Variants in CDK14 observed in about 807,000 individuals in gnomAD.
CDK14 encodes cyclin-dependent kinase 14.
CDK14 carries 34 observed loss-of-function variants against 60.7 expected under a neutral mutation model. The ratio of observed to expected loss-of-function variants is 0.56; its 90% CI spans 0.43 to 0.75. CDK14 has a LOEUF of 0.75. Ranked by LOEUF, CDK14 falls within the 30% of genes least tolerant of loss-of-function variation. The pLI is 0.00. For synonymous variants in CDK14, 197 were observed against 203.7 expected (o/e 0.97, Z 0.28); for missense variants, 482 against 564.1 (o/e 0.85, Z 1.47).
intron 8 of CDK14, among the ~76,000 whole-genome samples, chr7:90,919,470 T>C (rs1039023345): frequency 2.0e-5 from 3 of 152,152 alleles, no homozygotes; most frequent in African/African-American, 7.2e-5. Flanking sequence ...AATTGAAATA[T>C]AATTTTTTAA....
At chr7:91,194,857 T>A (rs73708286) in intron 14 of CDK14, among the ~76,000 whole-genome samples, 2,338 of 152,292 alleles carry the variant, frequency 0.015, 56 homozygotes, top group African/African-American at 0.053. Flanking sequence ...CTTCTTACAG[T>A]AAAACTTCAG....
At chr7:90,679,417 G>T (rs1284384228) in intron 2 of CDK14, among the ~76,000 whole-genome samples, 1 of 152,148 alleles carries the variant, frequency 6.6e-6, no homozygotes, top group Non-Finnish European at 1.5e-5. Context: ...TTCTATGTGT[G>T]TTTGATAATA....
intron 2 of CDK14, among the ~76,000 whole-genome samples, chr7:90,675,459 T>C (rs892420173): frequency 7.2e-5 from 11 of 152,164 alleles, no homozygotes; most frequent in Non-Finnish European, 1.3e-4. Context: ...TCTTGAAATA[T>C]AAATTTGGTA....
chr7:90,964,401 T>G (rs1009767325), intron 9 of CDK14, among the ~76,000 whole-genome samples: 2 of 152,232 alleles, frequency 1.3e-5, no homozygotes, highest in Admixed American at 6.5e-5. Context: ...CTCTGCCACT[T>G]CTTAGCTGGG....
rs956701900 is a variant in CDK14 at position 91,112,820 on chromosome 7, CAG to C, written c.1294+140_1294+141del. 21 of 815,386 alleles carry C rather than the reference CAG, an allele frequency of 2.6e-5. 1 individual carries two copies. In the Admixed American group the frequency reaches 3.7e-4, roughly 14 times the overall value. 50.5% of individuals were successfully genotyped at this position (815,386 alleles called of 1,614,324 possible). A position where few individuals can be genotyped will look rare whatever the true frequency, so the allele number is the denominator to read the frequency against. On this transcript the variant is annotated intron_variant, in intron 13 of 14. Transcript: ENST00000380050. ...ATAATGTATGTTTGTATGTGCATTA[CAG>C]GTGTGTGTGTGTGTGTGTGTGTGTA...
intron 14 of CDK14, among the ~76,000 whole-genome samples, chr7:91,197,220 T>C (rs950876154): frequency 7.2e-5 from 11 of 152,060 alleles, no homozygotes; most frequent in Admixed American, 1.3e-4. Flanking sequence ...GCCAACATGG[T>C]GAAACCCTGT....
At chr7:91,140,787 G>A (rs78974777) in intron 14 of CDK14, among the ~76,000 whole-genome samples, 8,940 of 152,100 alleles carry the variant, frequency 0.059, 379 homozygotes, top group Admixed American at 0.14. Flanking sequence ...TGCTTGCTCC[G>A]TAACAAGTAC....
chr7:90,689,777 G>GA (rs1189188050), intron 2 of CDK14, among the ~76,000 whole-genome samples: 6 of 152,026 alleles, frequency 3.9e-5, no homozygotes, highest in Non-Finnish European at 8.8e-5. Context: ...AATAGCATTT[G>GA]AAAAAATGTA....
chr7:90,925,999 A>G (rs1436906391), intron 8 of CDK14, among the ~76,000 whole-genome samples: 1 of 152,184 alleles, frequency 6.6e-6, no homozygotes, highest in Non-Finnish European at 1.5e-5. Context: ...CATCTGAAAA[A>G]TATATATACT....
At chr7:90,912,294 A>G (rs1792932427) in intron 7 of CDK14, among the ~76,000 whole-genome samples, 1 of 152,202 alleles carries the variant, frequency 6.6e-6, no homozygotes, top group Non-Finnish European at 1.5e-5. Flanking sequence ...TTGAATGGCA[A>G]AGACAGAAAT....
intron 2 of CDK14, chr7:90,709,739 T>A (rs1354567483): frequency 9.1e-6 from 13 of 1,431,264 alleles, no homozygotes; most frequent in African/African-American, 2.9e-5. Flanking sequence ...CTTATTCCAC[T>A]GAGATTAGCT....
chr7:91,046,457 A>G (rs890678053), intron 11 of CDK14, among the ~76,000 whole-genome samples: 1 of 152,186 alleles, frequency 6.6e-6, no homozygotes, highest in African/African-American at 2.4e-5. Flanking sequence ...TTTCATGTAA[A>G]ATATTTAAAC....
Position 90,728,510 on chromosome 7 carries a change from G to C in CDK14, c.369+1698G>C, listed in dbSNP as rs1802724588. On this transcript the variant is annotated intron_variant, in intron 3 of 14. Coordinates refer to ENST00000380050, the MANE Select transcript of CDK14 (RefSeq NM_001287135.2). Reference sequence around the variant, plus strand: ...TTCCATGAACTCTTTCTTATTCTTTGAATGCTCTTTTAAAAAGTATCCTGT... The same window carrying C: ...TTCCATGAACTCTTTCTTATTCTTTCAATGCTCTTTTAAAAAGTATCCTGT... 2.0e-5 allele frequency among the ~76,000 whole-genome samples: 3 copies of C among 150,944 alleles called. No individual in the cohort carries two copies. In the South Asian group the frequency reaches 6.3e-4, roughly 32 times the overall value.
chr7:91,195,206 A>G (rs776391315), intron 14 of CDK14, among the ~76,000 whole-genome samples: 3 of 152,230 alleles, frequency 2.0e-5, no homozygotes, highest in Non-Finnish European at 4.4e-5. Flanking sequence ...GTGAATCAAG[A>G]CAAGAGTATA....
At chr7:90,854,770 C>T (rs1340452262) in intron 5 of CDK14, among the ~76,000 whole-genome samples, 1 of 151,824 alleles carries the variant, frequency 6.6e-6, no homozygotes, top group African/African-American at 2.4e-5. Flanking sequence ...GCTTTTAAAC[C>T]TAGTTTTTAT....
intron 3 of CDK14, among the ~76,000 whole-genome samples, chr7:90,740,280 G>A (rs1176897002): frequency 3.3e-5 from 5 of 151,606 alleles, no homozygotes; most frequent in Admixed American, 2.6e-4. Context: ...TAGAGAGAGA[G>A]AGAGAGAGAG....
intron 7 of CDK14, among the ~76,000 whole-genome samples, chr7:90,900,254 A>G (rs912695632): frequency 6.6e-6 from 1 of 152,160 alleles, no homozygotes; most frequent in African/African-American, 2.4e-5. Context: ...AAATCTGTCA[A>G]AACATTGTTA....
chr7:90,676,751 A>G (rs1180398642), intron 2 of CDK14, among the ~76,000 whole-genome samples: 1 of 151,990 alleles, frequency 6.6e-6, no homozygotes, highest in Non-Finnish European at 1.5e-5. Context: ...GCCCAGGCTC[A>G]TCTCAGACTC....
At chr7:91,040,756 G>T (rs1204295239) in intron 10 of CDK14, among the ~76,000 whole-genome samples, 2 of 152,194 alleles carry the variant, frequency 1.3e-5, no homozygotes, top group African/African-American at 4.8e-5. Flanking sequence ...AGGAAGAACC[G>T]TTAGCAGGTC....
Sources: allele counts gnomAD v4.1 joint callset (sites outside exome capture counted in the v4.1 genomes callset), GRCh38; gene constraint gnomAD v4.1.1; transcripts MANE v1.5; gene names NCBI Gene and HGNC (gene_info 2026-07-23, HGNC 2026-07-21).